TP73: variants seen among roughly 807,000 people sequenced by gnomAD.
TP73 encodes p53-like transcription factor.
TP73 carries 25 observed loss-of-function variants against 62.5 expected under a neutral mutation model. The observed-to-expected ratio is 0.40, with a 90% confidence interval of 0.29 to 0.56. The LOEUF (loss-of-function observed/expected upper bound fraction) is 0.56, where lower values mean the gene tolerates loss of function less well. Ranked by LOEUF, TP73 falls within the 20% of genes least tolerant of loss-of-function variation. TP73 has a pLI of 0.46. For synonymous variants in TP73, 423 were observed against 377.5 expected, an observed-to-expected ratio of 1.12 and a Z score of -1.40; for missense variants, 754 against 913.3, an observed-to-expected ratio of 0.83 and a Z score of 2.25.
chr1:3,719,890 T>TG (rs1640919589), intron 4 of TP73, among the ~76,000 whole-genome samples: 4 of 132,208 alleles, frequency 3.0e-5, no homozygotes, highest in African/African-American at 1.2e-4. Context: ...TTTTTTCTCT[T>TG]TGTGTGTGTG....
intron 1 of TP73, among the ~76,000 whole-genome samples, chr1:3,675,572 G>A (rs1645345452): frequency 6.6e-6 from 1 of 152,144 alleles, no homozygotes; most frequent in Non-Finnish European, 1.5e-5. Flanking sequence ...CGGGATGGCT[G>A]GGCCAGACGG....
intron 1 of TP73, among the ~76,000 whole-genome samples, chr1:3,664,908 G>A (rs1645077461): frequency 6.6e-6 from 1 of 152,150 alleles, no homozygotes; most frequent in Non-Finnish European, 1.5e-5. Context: ...GATTCAGTGG[G>A]CAAGGCAACT....
chr1:3,698,127 C>T lies in TP73; in HGVS notation c.187-9422C>T, dbSNP rs116554793. 427 of 985,488 alleles carry T rather than the reference C, an allele frequency of 4.3e-4. 2 individuals carry two copies. The African/African-American group carries it at 7.0e-3, about 16-fold the overall frequency. The allele number at this position is 985,488 out of a possible 1,614,324, so 61.0% of individuals were successfully genotyped here. ...CACAGCAGGAGGCTGTTACAGGTGG[C>T]GCCTGATTCACATCTGCAGGACAGG... On this transcript the variant is annotated intron_variant, in intron 3 of 13. Transcript: ENST00000378295.
At position 3,692,430 on chromosome 1, in the gene TP73, G is replaced by A. The variant is rs188673024; in HGVS notation, c.186+9250G>A. On this transcript the variant is annotated intron_variant, in intron 3 of 13. Transcript: ENST00000378295. ...TCTGAAACCCAGTGCTGGGACTGTA[G>A]CCCAGAGCGTGGAACGGCTACATCA... is the stretch of plus-strand genomic sequence containing the variant. Among the ~76,000 whole-genome samples the A allele has an allele frequency of 2.2e-4, 33 of 152,336 alleles. No homozygotes were observed. The East Asian group carries it at 6.0e-3, about 28-fold the overall frequency.
intron 3 of TP73, among the ~76,000 whole-genome samples, chr1:3,694,115 C>T (rs530088463): frequency 8.3e-4 from 8 of 9,630 alleles, no homozygotes; most frequent in Non-Finnish European, 2.4e-3. Context: ...TCCCGCAATC[C>T]CAGCCATGCA....
chr1:3,675,782 C>T (rs1461613987), intron 1 of TP73, among the ~76,000 whole-genome samples: 1 of 152,064 alleles, frequency 6.6e-6, no homozygotes, highest in Non-Finnish European at 1.5e-5. Flanking sequence ...GGTTGTGGAG[C>T]CCTGTCTGCC....
At chr1:3,720,633 C>T (rs968175130) in intron 4 of TP73, among the ~76,000 whole-genome samples, 16 of 152,230 alleles carry the variant, frequency 1.1e-4, no homozygotes, top group African/African-American at 3.4e-4. Context: ...CACCATGGCT[C>T]GCAGCCTCCG....
chr1:3,691,771 G>A (rs1231618522), intron 3 of TP73, among the ~76,000 whole-genome samples: 1 of 152,220 alleles, frequency 6.6e-6, no homozygotes, highest in East Asian at 1.9e-4. Context: ...TGTGCCACAC[G>A]GGAAACTCAG....
intron 1 of TP73, among the ~76,000 whole-genome samples, chr1:3,659,606 A>T (rs72857325): frequency 6.6e-6 from 1 of 152,118 alleles, no homozygotes; most frequent in Non-Finnish European, 1.5e-5. Flanking sequence ...GGCGCACAAT[A>T]TGGCTTTCTA....
intron 1 of TP73, among the ~76,000 whole-genome samples, chr1:3,671,800 C>A (rs1488556997): frequency 1.3e-5 from 2 of 152,190 alleles, no homozygotes; most frequent in Non-Finnish European, 2.9e-5. Flanking sequence ...CAGCGGACAG[C>A]CACTCTGAGG....
At chr1:3,675,743 G>A (rs946746702) in intron 1 of TP73, among the ~76,000 whole-genome samples, 4 of 152,150 alleles carry the variant, frequency 2.6e-5, no homozygotes, top group South Asian at 2.1e-4. Context: ...GGGCTCAGTC[G>A]GGGTGGAGTG....
intron 12 of TP73, 39 bp downstream of exon 12, chr1:3,731,104 C>A: frequency 1.3e-6 from 2 of 1,595,524 alleles, no homozygotes; most frequent in Non-Finnish European, 1.7e-6. Context: ...GTGCTGTCAC[C>A]CTGTCTGTTC....
At chr1:3,653,466 T>C (rs1303368693) in intron 1 of TP73, among the ~76,000 whole-genome samples, 1 of 152,230 alleles carries the variant, frequency 6.6e-6, no homozygotes, top group Non-Finnish European at 1.5e-5. Context: ...CCATGTAGTA[T>C]GCACACGTCT....
At chr1:3,695,514 C>T (rs1040079651) in intron 3 of TP73, among the ~76,000 whole-genome samples, 1 of 152,210 alleles carries the variant, frequency 6.6e-6, no homozygotes, top group African/African-American at 2.4e-5. Flanking sequence ...GTTGCGGGAA[C>T]GTGGCCACCC....
rs543083681 is a variant in TP73, at chr1:3,733,516, T to A, written c.*437T>A. 4.8e-6 allele frequency: 1 copy of A among 208,874 alleles called. No individual in the cohort carries two copies. The highest frequency in any genetic ancestry group is 1.2e-4 in the East Asian group (1 of 8,644). 12.9% of individuals were successfully genotyped at this position (208,874 alleles called of 1,614,324 possible). A position where few individuals can be genotyped will look rare whatever the true frequency, so the allele number is the denominator to read the frequency against. Reference sequence around the variant, plus strand: ...CTGCCAAAAAGTATTTTGCGACATCTTTTGGTTCTGGATAGTAGTGAGCAG... The same window carrying A: ...CTGCCAAAAAGTATTTTGCGACATCATTTGGTTCTGGATAGTAGTGAGCAG... On this transcript the variant is annotated 3_prime_UTR_variant, in exon 14 of 14. Coordinates refer to ENST00000378295, the MANE Select transcript of TP73 (RefSeq NM_005427.4).
At chr1:3,653,133 C>G (rs549005292) in intron 1 of TP73, among the ~76,000 whole-genome samples, 2 of 152,264 alleles carry the variant, frequency 1.3e-5, no homozygotes, top group African/African-American at 4.8e-5. Flanking sequence ...GGCCAGGCCC[C>G]CCTCTGGACA....
intron 12 of TP73, 35 bp from the exon 13 acceptor site, chr1:3,731,428 C>A (rs1213213941): frequency 6.3e-7 from 1 of 1,599,462 alleles, no homozygotes; most frequent in Non-Finnish European, 8.6e-7. Context: ...TGCTCGGAAG[C>A]TAATGCTGCT....
intron 4 of TP73, among the ~76,000 whole-genome samples, chr1:3,710,509 C>T (rs960295949): frequency 1.4e-4 from 22 of 152,264 alleles, no homozygotes; most frequent in African/African-American, 3.6e-4. Flanking sequence ...GCCTCTGCAC[C>T]GTGACTCCTG....
At chr1:3,708,906 C>G (rs1639899079) in intron 4 of TP73, among the ~76,000 whole-genome samples, 1 of 152,194 alleles carries the variant, frequency 6.6e-6, no homozygotes, top group African/African-American at 2.4e-5. Flanking sequence ...CAGCTCAGTG[C>G]TGGCCCCCTG....
Sources: gnomAD v4.1 joint callset for allele counts (sites outside exome capture counted in the v4.1 genomes callset) on GRCh38, gnomAD v4.1.1 for gene constraint, MANE v1.5 for transcripts, NCBI Gene and HGNC (gene_info 2026-07-23, HGNC 2026-07-21) for gene names.